FER1L6: variants seen among roughly 807,000 people sequenced by gnomAD.
The protein encoded by FER1L6 is fer-1-like protein 6.
FER1L6 carries 177 observed loss-of-function variants against 219.2 expected under a neutral mutation model. The ratio of observed to expected loss-of-function variants is 0.81; its 90% CI spans 0.71 to 0.91. The LOEUF (loss-of-function observed/expected upper bound fraction) is 0.91, where lower values mean the gene tolerates loss of function less well. Ranked by LOEUF, FER1L6 falls within the 40% of genes least tolerant of loss-of-function variation. The probability of loss-of-function intolerance (pLI) is 0.00; values close to 1 mark genes in which losing one functional copy is unlikely to be tolerated. For missense variants in FER1L6, 2,153 were observed against 2,259.9 expected (o/e 0.95, Z 0.96); for synonymous variants, 768 against 824.3 (o/e 0.93, Z 1.17).
intron 12 of FER1L6, among the ~76,000 whole-genome samples, chr8:123,997,980 A>G (rs1393178371): frequency 4.6e-5 from 7 of 152,130 alleles, no homozygotes; most frequent in African/African-American, 1.7e-4. Context: ...AAGCTCACAT[A>G]TCTCTGCCTT....
chr8:124,004,433 G>C (rs1817568519), intron 13 of FER1L6, among the ~76,000 whole-genome samples: 1 of 152,168 alleles, frequency 6.6e-6, no homozygotes, highest in Non-Finnish European at 1.5e-5. Context: ...CCCTGACACA[G>C]CTACATCTCT....
intron 7 of FER1L6, among the ~76,000 whole-genome samples, chr8:123,974,268 G>T (rs1020181661): frequency 1.3e-5 from 2 of 152,148 alleles, no homozygotes; most frequent in African/African-American, 4.8e-5. Context: ...TGGGAAAGGA[G>T]ACAGGAAGGC....
chr8:124,071,096 T>C (rs4404895), intron 30 of FER1L6, among the ~76,000 whole-genome samples: 124,164 of 152,164 alleles, frequency 0.82, 50,872 homozygotes, highest in Non-Finnish European at 0.86. Context: ...ATTCTAGTTA[T>C]AGTATTAACC....
At chr8:124,102,948 A>G (rs747000630) in intron 38 of FER1L6, among the ~76,000 whole-genome samples, 198 bp from the exon 39 acceptor site, 26 of 152,224 alleles carry the variant, frequency 1.7e-4, no homozygotes, top group Non-Finnish European at 3.8e-4. Flanking sequence ...CTACCATGTG[A>G]TTAATCTTTT....
At chr8:123,985,905 G>T (rs570621653) in intron 11 of FER1L6, 163 bp from the exon 12 acceptor site, 99 of 586,482 alleles carry the variant, frequency 1.7e-4, no homozygotes, top group African/African-American at 1.6e-3. Flanking sequence ...TGCAGATCCT[G>T]ATTCATACAT....
chr8:123,938,778 G>A (rs1814108831), intron 1 of FER1L6, among the ~76,000 whole-genome samples: 1 of 151,914 alleles, frequency 6.6e-6, no homozygotes, highest in Non-Finnish European at 1.5e-5. Context: ...AAACTCCTGA[G>A]CTCAAGCTAT....
intron 13 of FER1L6, among the ~76,000 whole-genome samples, chr8:124,007,801 G>T (rs1457774898): frequency 2.0e-5 from 3 of 152,168 alleles, no homozygotes; most frequent in Admixed American, 2.0e-4. Flanking sequence ...TGGAGGGAAG[G>T]GTGGTTAGAT....
At chr8:124,068,401 C>G (rs1820913410) in intron 28 of FER1L6, among the ~76,000 whole-genome samples, 1 of 152,182 alleles carries the variant, frequency 6.6e-6, no homozygotes. Flanking sequence ...GTATCTTCAC[C>G]TTGCAAATGA....
chr8:124,075,112 C>T (rs1821223758), intron 31 of FER1L6, among the ~76,000 whole-genome samples: 1 of 152,170 alleles, frequency 6.6e-6, no homozygotes, highest in Admixed American at 6.5e-5. Flanking sequence ...AAATTTATAA[C>T]ACACATTTTT....
chr8:123,903,523 C>T (rs1240766644), intron 1 of FER1L6, among the ~76,000 whole-genome samples: 2 of 152,108 alleles, frequency 1.3e-5, no homozygotes, highest in Admixed American at 6.5e-5. Flanking sequence ...GAACAGTTTT[C>T]ATATTTTATT....
intron 12 of FER1L6, among the ~76,000 whole-genome samples, chr8:123,992,188 T>C (rs2130424185): frequency 6.6e-6 from 1 of 152,278 alleles, no homozygotes; most frequent in Middle Eastern, 3.4e-3. Context: ...TTCCTGGTTT[T>C]GGAATCAGGG....
Position 123,910,730 on chromosome 8 carries a change from G to T in FER1L6, c.-7-45262G>T, listed in dbSNP as rs113754005. 5.7e-3 allele frequency among the ~76,000 whole-genome samples: 862 copies of T among 150,956 alleles called. 3 individuals are homozygous for T. The highest frequency in any genetic ancestry group is 0.017 in the Middle Eastern group (5 of 294). Reference sequence around the variant, plus strand: ...GAGGAAAAACTGATTAAGTTAGATGGCATGCAACTGGGTATACCAAGGAGT... The same window carrying T: ...GAGGAAAAACTGATTAAGTTAGATGTCATGCAACTGGGTATACCAAGGAGT... On this transcript the variant is annotated intron_variant, in intron 1 of 40. Coordinates refer to ENST00000522917, the MANE Select transcript of FER1L6 (RefSeq NM_001039112.2).
intron 1 of FER1L6, among the ~76,000 whole-genome samples, chr8:123,939,645 T>C (rs1175693644): frequency 6.6e-6 from 1 of 152,204 alleles, no homozygotes; most frequent in East Asian, 1.9e-4. Context: ...TCTCATGTCT[T>C]GCAGGAAGGG....
At chr8:124,024,149 G>A (rs1818597446) in intron 18 of FER1L6, among the ~76,000 whole-genome samples, 1 of 151,804 alleles carries the variant, frequency 6.6e-6, no homozygotes, top group Non-Finnish European at 1.5e-5. Flanking sequence ...GCCTGCCTCG[G>A]CCTCCCAAAG....
At chr8:123,873,623 G>A (rs1816960736) in intron 1 of FER1L6, among the ~76,000 whole-genome samples, 1 of 152,100 alleles carries the variant, frequency 6.6e-6, no homozygotes, top group South Asian at 2.1e-4. Flanking sequence ...TTGCAACCCT[G>A]TGCAGGTGAC....
intron 16 of FER1L6, among the ~76,000 whole-genome samples, chr8:124,020,228 C>T (rs1291329809): frequency 6.6e-6 from 1 of 152,050 alleles, no homozygotes; most frequent in Non-Finnish European, 1.5e-5. Flanking sequence ...CCCCATGAGT[C>T]CTCCCCAGCC....
At chr8:124,041,087 T>C (rs1819467085) in intron 20 of FER1L6, among the ~76,000 whole-genome samples, 1 of 152,214 alleles carries the variant, frequency 6.6e-6, no homozygotes, top group Admixed American at 6.5e-5. Context: ...AAACATTTAT[T>C]CTGTTCTCTG....
At chr8:124,038,826 A>G (rs1370312405) in intron 19 of FER1L6, among the ~76,000 whole-genome samples, 1 of 152,196 alleles carries the variant, frequency 6.6e-6, no homozygotes, top group Non-Finnish European at 1.5e-5. Context: ...GCGTTATTCA[A>G]GTTAGTCCAC....
chr8:124,042,584 G>A (rs542693588), intron 20 of FER1L6, among the ~76,000 whole-genome samples: 137 of 152,286 alleles, frequency 9.0e-4, no homozygotes, highest in African/African-American at 3.2e-3. Flanking sequence ...TCATAAGAAA[G>A]GGTACCAATT....
Sources: allele counts gnomAD v4.1 joint callset (sites outside exome capture counted in the v4.1 genomes callset), GRCh38; gene constraint gnomAD v4.1.1; transcripts MANE v1.5; gene names NCBI Gene and HGNC (gene_info 2026-07-23, HGNC 2026-07-21).